AGBL4: variants seen among roughly 807,000 people sequenced by gnomAD.
The protein encoded by AGBL4 is cytosolic carboxypeptidase 6.
In AGBL4, 58 loss-of-function variants were observed where a neutral mutation model predicts 66.4. The ratio of observed to expected loss-of-function variants is 0.87; its 90% CI spans 0.71 to 1.09. The LOEUF (loss-of-function observed/expected upper bound fraction) is 1.09, where lower values mean the gene tolerates loss of function less well. Among genes scored for constraint, AGBL4 ranks in the 50% least tolerant of loss-of-function variants. The pLI, the probability that AGBL4 is intolerant of heterozygous loss-of-function variation, is 0.00. For synonymous variants in AGBL4, 234 were observed against 222.9 expected (o/e 1.05, Z -0.44); for missense variants, 579 against 631.0 (o/e 0.92, Z 0.88).
rs548809089 is a variant in AGBL4 at position 48,776,784 on chromosome 1, C to T, written c.634+90407G>A. 1,325 of 1,525,342 alleles carry T rather than the reference C, an allele frequency of 8.7e-4. 2 individuals are homozygous for T. Among genetic ancestry groups the T allele is most frequent in the Middle Eastern group, 3.7e-3 (21 of 5,750 alleles). 94.5% of individuals were successfully genotyped at this position (1,525,342 alleles called of 1,614,324 possible). ...TGAAGTCGCGCACGCACGACACGGG[C>T]AGCGCGTAGCAGACGTTGTCCTCCA... On this transcript the variant is annotated intron_variant, in intron 6 of 13. Transcript: ENST00000371839.
At chr1:48,536,767 C>T (rs949897407) in intron 12 of AGBL4, among the ~76,000 whole-genome samples, 4 of 152,258 alleles carry the variant, frequency 2.6e-5, no homozygotes, top group Non-Finnish European at 4.4e-5. Flanking sequence ...AGCACACCTG[C>T]TCTGTTTCTT....
intron 3 of AGBL4, among the ~76,000 whole-genome samples, chr1:49,504,350 T>TGA (rs1648483390): frequency 6.6e-6 from 1 of 152,110 alleles, no homozygotes; most frequent in Admixed American, 6.5e-5. Flanking sequence ...CACAGCAGTG[T>TGA]GAGAATGGAC....
At chr1:49,253,551 A>G (rs1652238285) in intron 3 of AGBL4, among the ~76,000 whole-genome samples, 1 of 152,160 alleles carries the variant, frequency 6.6e-6, no homozygotes. Flanking sequence ...CAACCAAAAA[A>G]AGCTGGGGAC....
At chr1:49,954,838 T>C (rs1656459767) in intron 1 of AGBL4, among the ~76,000 whole-genome samples, 1 of 151,812 alleles carries the variant, frequency 6.6e-6, no homozygotes, top group South Asian at 2.1e-4. Flanking sequence ...GAGAAAAAAA[T>C]ATAGAAGGAT....
intron 3 of AGBL4, among the ~76,000 whole-genome samples, chr1:49,335,488 T>C (rs1557849280): frequency 6.6e-6 from 1 of 152,310 alleles, no homozygotes; most frequent in East Asian, 1.9e-4. Flanking sequence ...AATGATTTCC[T>C]AACACACGTA....
chr1:48,704,637 G>T (rs924020787), intron 6 of AGBL4, among the ~76,000 whole-genome samples: 2 of 152,026 alleles, frequency 1.3e-5, no homozygotes, highest in Non-Finnish European at 2.9e-5. Flanking sequence ...CCCACGCAAG[G>T]TCAGGATCAA....
chr1:48,769,996 G>A (rs747030394), intron 6 of AGBL4, among the ~76,000 whole-genome samples: 1 of 152,112 alleles, frequency 6.6e-6, no homozygotes, highest in Admixed American at 6.5e-5. Flanking sequence ...CATAGTGCAG[G>A]GTTCCATCCT....
intron 3 of AGBL4, among the ~76,000 whole-genome samples, chr1:49,532,782 A>G (rs1651243278): frequency 1.3e-5 from 2 of 152,122 alleles, no homozygotes; most frequent in South Asian, 4.1e-4. Context: ...CCTATCTACC[A>G]AGTGATGGCA....
intron 2 of AGBL4, among the ~76,000 whole-genome samples, chr1:49,763,789 G>T (rs1205113737): frequency 1.3e-5 from 2 of 152,180 alleles, no homozygotes; most frequent in Non-Finnish European, 2.9e-5. Context: ...GAACCCGTCA[G>T]GCCATGGATA....
At chr1:49,541,549 T>A (rs1014366111) in intron 3 of AGBL4, among the ~76,000 whole-genome samples, 7 of 152,206 alleles carry the variant, frequency 4.6e-5, no homozygotes, top group African/African-American at 1.7e-4. Flanking sequence ...GAATTCTCAC[T>A]GGGCCTCAGC....
intron 1 of AGBL4, among the ~76,000 whole-genome samples, chr1:49,878,452 C>A (rs1162620828): frequency 6.6e-6 from 1 of 151,778 alleles, no homozygotes; most frequent in African/African-American, 2.4e-5. Flanking sequence ...TGTTCAGTTT[C>A]CATGTAGTTG....
chr1:49,427,445 C>T (rs1412745858), intron 3 of AGBL4, among the ~76,000 whole-genome samples: 1 of 149,426 alleles, frequency 6.7e-6, no homozygotes. Context: ...AAACAATTTC[C>T]TGGTGGTGTG....
chr1:48,628,174 A>C (rs956093938), intron 9 of AGBL4, among the ~76,000 whole-genome samples: 1 of 152,242 alleles, frequency 6.6e-6, no homozygotes, highest in Non-Finnish European at 1.5e-5. Context: ...GCAGCATGCC[A>C]GGGAACACTA....
chr1:49,706,738 T>A (rs1462425138), intron 2 of AGBL4, among the ~76,000 whole-genome samples: 1 of 152,188 alleles, frequency 6.6e-6, no homozygotes, highest in East Asian at 1.9e-4. Flanking sequence ...GAGATGCTGG[T>A]ACGTTGTCTC....
intron 3 of AGBL4, among the ~76,000 whole-genome samples, chr1:49,512,437 G>A (rs1348977961): frequency 2.0e-5 from 3 of 151,944 alleles, no homozygotes; most frequent in African/African-American, 7.2e-5. Flanking sequence ...GGTGGGGCCT[G>A]GTAGGAGATA....
intron 4 of AGBL4, among the ~76,000 whole-genome samples, chr1:49,120,853 A>T (rs987805678): frequency 1.9e-4 from 29 of 152,154 alleles, no homozygotes; most frequent in Admixed American, 6.5e-4. Context: ...AATCCAACAT[A>T]GATTTGGTCT....
chr1:49,724,210 C>G (rs1421633985), intron 2 of AGBL4, among the ~76,000 whole-genome samples: 2 of 152,156 alleles, frequency 1.3e-5, no homozygotes, highest in Non-Finnish European at 2.9e-5. Flanking sequence ...AGGGCACTCT[C>G]ATTTGTTCTT....
At chr1:48,902,944 C>T (rs1570962354) in intron 5 of AGBL4, among the ~76,000 whole-genome samples, 1 of 152,134 alleles carries the variant, frequency 6.6e-6, no homozygotes, top group South Asian at 2.1e-4. Context: ...TTCTGCAGTC[C>T]TCTGGCTCTG....
intron 1 of AGBL4, among the ~76,000 whole-genome samples, chr1:49,952,205 T>G (rs1445975521): frequency 1.3e-5 from 2 of 151,812 alleles, no homozygotes; most frequent in Non-Finnish European, 2.9e-5. Flanking sequence ...TGGATAGTAC[T>G]AAGAACACAG....
Sources: gnomAD v4.1 joint callset for allele counts (sites outside exome capture counted in the v4.1 genomes callset) on GRCh38, gnomAD v4.1.1 for gene constraint, MANE v1.5 for transcripts, NCBI Gene and HGNC (gene_info 2026-07-23, HGNC 2026-07-21) for gene names.